The following TSEN15 variants were observed in gnomAD, a reference collection of about 807,000 sequenced individuals.
The protein encoded by TSEN15 is tRNA splicing endonuclease subunit 15.
Under a neutral mutation model 20.5 loss-of-function variants are expected in TSEN15, and 10 were observed. That is an observed-to-expected ratio of 0.49 (90% CI 0.30 to 0.83). TSEN15 has a LOEUF of 0.83. TSEN15 is among the 40% of genes least tolerant of loss of function. TSEN15 has a pLI of 0.06. For synonymous variants in TSEN15, 72 were observed against 80.1 expected (o/e 0.90, Z 0.54); for missense variants, 180 against 218.6 (o/e 0.82, Z 1.11).
chr1:184,089,082 GA>G (rs1651314031), intron 3 of TSEN15, among the ~76,000 whole-genome samples: 1 of 152,206 alleles, frequency 6.6e-6, no homozygotes, highest in Non-Finnish European at 1.5e-5. Context: ...GTACTTGCCA[GA>G]TATTCTTACT....
Position 184,055,896 on chromosome 1 carries a change from G to A in TSEN15, c.353+1033G>A, listed in dbSNP as rs148932953. ...TAATCTTATAAGTCCCTTCCTTAAC[G>A]TGCTTTCACTGACCTGAGGTAACTC... On this transcript the variant is annotated intron_variant, in intron 3 of 4. Transcript: ENST00000645668. Among the ~76,000 whole-genome samples the A allele has an allele frequency of 2.8e-3, 426 of 151,976 alleles. 2 individuals are homozygous for A. Among genetic ancestry groups the A allele is most frequent in the African/African-American group, 6.5e-3 (269 of 41,424 alleles).
At chr1:184,081,636 C>T (rs180774736) in intron 3 of TSEN15, among the ~76,000 whole-genome samples, 65 of 152,260 alleles carry the variant, frequency 4.3e-4, no homozygotes, top group African/African-American at 1.5e-3. Context: ...TGGATAGCTG[C>T]GTGAACAGAG....
At chr1:184,091,441 G>T (rs985600113) in intron 3 of TSEN15, among the ~76,000 whole-genome samples, 1 of 151,702 alleles carries the variant, frequency 6.6e-6, no homozygotes, top group African/African-American at 2.4e-5. Context: ...TACTTTTCAG[G>T]ATTGTTGTAT....
chr1:184,055,352 C>T (rs1455336316), intron 3 of TSEN15, among the ~76,000 whole-genome samples: 1 of 152,166 alleles, frequency 6.6e-6, no homozygotes, highest in Non-Finnish European at 1.5e-5. Context: ...AAACATCTCC[C>T]ACCAGGCCCC....
intron 1 of TSEN15, among the ~76,000 whole-genome samples, chr1:184,053,777 G>T (rs192234655): frequency 2.0e-5 from 3 of 152,282 alleles, no homozygotes; most frequent in Admixed American, 2.0e-4. Context: ...GAAAGAGTGG[G>T]TAGAGAGGCT....
intron 3 of TSEN15, chr1:184,094,086 GAGCTAT>G (rs1350283974): frequency 1.3e-5 from 2 of 152,080 alleles, no homozygotes; most frequent in African/African-American, 4.8e-5. Flanking sequence ...TAGGGTCGCT[GAGCTAT>G]AGTCACTTCA....
At chr1:184,065,651 A>G (rs1327406127) in intron 3 of TSEN15, among the ~76,000 whole-genome samples, 2 of 152,178 alleles carry the variant, frequency 1.3e-5, no homozygotes, top group African/African-American at 4.8e-5. Flanking sequence ...TCACTCAGCA[A>G]TATGTATCCC....
downstream of TSEN15, among the ~76,000 whole-genome samples, chr1:184,075,573 A>T (rs1318252722): frequency 6.6e-6 from 1 of 151,922 alleles, no homozygotes; most frequent in East Asian, 1.9e-4. Flanking sequence ...ATAATGGCTT[A>T]TTTTTTCCCT....
At chr1:184,076,573 A>G (rs1651065208), downstream of TSEN15, among the ~76,000 whole-genome samples, 1 of 152,172 alleles carries the variant, frequency 6.6e-6, no homozygotes, top group Admixed American at 6.6e-5. Flanking sequence ...AAAGCTAGAA[A>G]CGATTACACT....
intron 3 of TSEN15, chr1:184,095,454 T>C (rs925244239): frequency 1.0e-5 from 4 of 383,612 alleles, no homozygotes; most frequent in African/African-American, 8.3e-5. Context: ...CTCTCTAAAT[T>C]CCCCAATTCA....
chr1:184,051,979 TGGGAG>T, intron 1 of TSEN15, 89 bp downstream of exon 1: 5 of 1,267,902 alleles, frequency 3.9e-6, no homozygotes, highest in Non-Finnish European at 5.0e-6. Context: ...TCTTCCTCAG[TGGGAG>T]ACTGAGGACG....
intron 3 of TSEN15, among the ~76,000 whole-genome samples, chr1:184,056,616 TA>T (rs1406198392): frequency 3.3e-5 from 5 of 152,174 alleles, no homozygotes; most frequent in South Asian, 2.1e-4. Flanking sequence ...TCTAACGGTC[TA>T]AAAAATACTT....
intron 3 of TSEN15, among the ~76,000 whole-genome samples, chr1:184,062,002 T>C (rs1249894654): frequency 2.6e-5 from 4 of 152,172 alleles, no homozygotes; most frequent in African/African-American, 9.6e-5. Flanking sequence ...ATTTTTCAAG[T>C]TTCAGAAGGT....
chr1:184,095,860 A>G (rs1651440620), exon 4 of TSEN15: 1 of 397,984 alleles, frequency 2.5e-6, no homozygotes, highest in African/African-American at 2.1e-5. Flanking sequence ...GGTCTGTGGT[A>G]TTTTGTTATG....
At chr1:184,095,592 G>A in intron 3 of TSEN15, 1 of 395,394 alleles carries the variant, frequency 2.5e-6, no homozygotes, top group Non-Finnish European at 4.5e-6. Context: ...ATAAAATGGG[G>A]AAGAAACAGG....
chr1:184,067,941 A>AAAAAAAATATATATAT (rs1400681024), intron 3 of TSEN15, among the ~76,000 whole-genome samples: 1 of 95,602 alleles, frequency 1.0e-5, no homozygotes, highest in African/African-American at 4.2e-5. Flanking sequence ...AAAAAAAAAA[A>AAAAAAAATATATATAT]ATATATATAT....
intron 3 of TSEN15, among the ~76,000 whole-genome samples, chr1:184,086,919 G>A (rs1651271965): frequency 6.6e-6 from 1 of 152,176 alleles, no homozygotes; most frequent in Admixed American, 6.5e-5. Flanking sequence ...CCTTTTGAAA[G>A]GGGGGAGTAT....
intron 1 of TSEN15, 27 bp downstream of exon 1, chr1:184,051,917 G>A: frequency 2.7e-6 from 4 of 1,500,566 alleles, no homozygotes; most frequent in East Asian, 5.3e-5. Flanking sequence ...GGAGCAGGGC[G>A]CCGTCCAGGC....
Position 184,051,780 on chromosome 1 carries a change from C to T in TSEN15, c.25C>T (p.Pro9Ser). MEERGDSE[P>S]TPGCSGLGPG... ...CATGGAGGAGCGCGGCGATTCCGAG[C>T]CGACCCCCGGCTGCAGCGGCCTGGG... The change falls in exon 1 of 5, where the codon CCG (proline) becomes TCG (serine). Residue 9 changes from proline (P) to serine (S), a missense_variant. Transcript: ENST00000645668. 10 of 1,513,000 alleles carry T rather than the reference C, an allele frequency of 6.6e-6. No individual in the cohort carries two copies. The highest frequency in any genetic ancestry group is 2.8e-5 in the African/African-American group (2 of 70,466). 93.7% of individuals were successfully genotyped at this position (1,513,000 alleles called of 1,614,324 possible).
Sources: gnomAD v4.1 joint callset for allele counts (sites outside exome capture counted in the v4.1 genomes callset) on GRCh38, gnomAD v4.1.1 for gene constraint, MANE v1.5 for transcripts, NCBI Gene and HGNC (gene_info 2026-07-23, HGNC 2026-07-21) for gene names.